The following JAM3 variants were observed in gnomAD, a reference collection of about 807,000 sequenced individuals.
JAM3 encodes junctional adhesion molecule C.
JAM3 carries 31 observed loss-of-function variants against 39.4 expected under a neutral mutation model. That is an observed-to-expected ratio of 0.79 (90% CI 0.59 to 1.06). JAM3 has a LOEUF of 1.06. Ranked by LOEUF, JAM3 falls within the 50% of genes least tolerant of loss-of-function variation. The pLI, the probability that JAM3 is intolerant of heterozygous loss-of-function variation, is 0.00. For missense variants in JAM3, 455 were observed against 391.4 expected, an observed-to-expected ratio of 1.16 and a Z score of -1.37; for synonymous variants, 182 against 148.7, an observed-to-expected ratio of 1.22 and a Z score of -1.63.
rs1008355593 is a variant in JAM3 at position 134,149,382 on chromosome 11, G to A, written c.*201G>A. 7.2e-5 allele frequency: 47 copies of A among 651,910 alleles called. No individual in the cohort carries two copies. Among genetic ancestry groups the A allele is most frequent in the Admixed American group, 2.1e-4 (9 of 41,882 alleles). 40.4% of individuals were successfully genotyped at this position (651,910 alleles called of 1,614,324 possible). A position where few individuals can be genotyped will look rare whatever the true frequency, so the allele number is the denominator to read the frequency against. ...GAAGAATTTTCCTCAAGATGGACCCGGTAAATATAACCACAAGGAAGCGAA... is the reference window on the plus strand; with the variant it reads ...GAAGAATTTTCCTCAAGATGGACCCAGTAAATATAACCACAAGGAAGCGAA... On this transcript the variant is annotated 3_prime_UTR_variant, in exon 9 of 9. Coordinates refer to ENST00000299106, the MANE Select transcript of JAM3 (RefSeq NM_032801.5).
chr11:134,147,980 G>C (rs1943109766), intron 6 of JAM3: 1 of 172,618 alleles, frequency 5.8e-6, no homozygotes, highest in African/African-American at 2.4e-5. Flanking sequence ...CCAGTGTATA[G>C]ACATGAGAAA....
intron 1 of JAM3, among the ~76,000 whole-genome samples, chr11:134,106,480 A>G (rs1163788987): frequency 2.0e-5 from 3 of 152,234 alleles, no homozygotes; most frequent in Non-Finnish European, 4.4e-5. Context: ...TGGCAACAAA[A>G]GCCAAATTTG....
At chr11:134,094,289 T>G (rs1447205603) in intron 1 of JAM3, among the ~76,000 whole-genome samples, 11 of 133,028 alleles carry the variant, frequency 8.3e-5, no homozygotes, top group East Asian at 2.4e-4. Context: ...TGAGGGAAGC[T>G]TCTCCTGAAC....
At chr11:134,104,748 A>C (rs1032607455) in intron 1 of JAM3, among the ~76,000 whole-genome samples, 16 of 152,192 alleles carry the variant, frequency 1.1e-4, no homozygotes, top group Admixed American at 7.9e-4. Context: ...TAAACTAGAA[A>C]ATCTAGAAGA....
At chr11:134,094,125 T>G (rs1489615785) in intron 1 of JAM3, among the ~76,000 whole-genome samples, 1 of 145,408 alleles carries the variant, frequency 6.9e-6, no homozygotes, top group Non-Finnish European at 1.5e-5. Flanking sequence ...TGAACCCTCC[T>G]TATTCATCAT....
At chr11:134,096,906 T>C (rs975200167) in intron 1 of JAM3, among the ~76,000 whole-genome samples, 1 of 152,216 alleles carries the variant, frequency 6.6e-6, no homozygotes, top group Non-Finnish European at 1.5e-5. Context: ...GTATCTTTAA[T>C]TTGGTTTATT....
chr11:134,125,116 C>T (rs544725417), intron 1 of JAM3, among the ~76,000 whole-genome samples: 3 of 152,192 alleles, frequency 2.0e-5, no homozygotes, highest in Non-Finnish European at 2.9e-5. Context: ...GCACGGCCGC[C>T]GCCACTGCTG....
chr11:134,115,028 C>G (rs913781659), intron 1 of JAM3, among the ~76,000 whole-genome samples: 6 of 152,194 alleles, frequency 3.9e-5, no homozygotes, highest in Non-Finnish European at 8.8e-5. Context: ...AGCTCTGTTA[C>G]TAGGTACATA....
intron 1 of JAM3, among the ~76,000 whole-genome samples, chr11:134,095,642 G>T (rs78705277): frequency 1.4e-5 from 2 of 147,600 alleles, no homozygotes. Flanking sequence ...AAAAAAAAAA[G>T]ATTTGTTCTA....
Position 134,072,314 on chromosome 11 carries a change from A to ATTTT in JAM3, c.76+3167_76+3170dup, listed in dbSNP as rs34630736. Among the ~76,000 whole-genome samples the ATTTT allele has an allele frequency of 9.1e-3, 1,311 of 144,710 alleles. 18 individuals carry two copies. Among genetic ancestry groups the ATTTT allele is most frequent in the African/African-American group, 0.028 (1,089 of 39,310 alleles). The allele number at this position is 144,710 out of a possible 152,430, so 94.9% of individuals were successfully genotyped here. A position where few individuals can be genotyped will look rare whatever the true frequency, so the allele number is the denominator to read the frequency against. Reference sequence around the variant, plus strand: ...AAGAATACCCTAGTGGTGAAGTTGGATTTTTTTTTTTTTTTGAGACTGAGT... The same window carrying ATTTT: ...AAGAATACCCTAGTGGTGAAGTTGGATTTTTTTTTTTTTTTTTTTGAGACTGAGT... On this transcript the variant is annotated intron_variant, in intron 1 of 8. Transcript: ENST00000299106.
intron 1 of JAM3, among the ~76,000 whole-genome samples, chr11:134,111,972 CTAA>C (rs1472741246): frequency 5.3e-5 from 8 of 152,162 alleles, no homozygotes; most frequent in African/African-American, 1.9e-4. Flanking sequence ...CATAATCACA[CTAA>C]TTACATTTTT....
chr11:134,147,528 C>T (rs1214425929), intron 6 of JAM3, among the ~76,000 whole-genome samples: 1 of 150,784 alleles, frequency 6.6e-6, no homozygotes, highest in East Asian at 2.0e-4. Context: ...GCTCTGTCAC[C>T]CAGGCTGGAG....
intron 1 of JAM3, among the ~76,000 whole-genome samples, chr11:134,089,173 A>G (rs1941798211): frequency 6.6e-6 from 1 of 152,142 alleles, no homozygotes; most frequent in Admixed American, 6.5e-5. Context: ...TGTGTCTCCC[A>G]TTCTTTCTTT....
At chr11:134,095,098 T>C (rs1196810524) in intron 1 of JAM3, among the ~76,000 whole-genome samples, 1 of 152,216 alleles carries the variant, frequency 6.6e-6, no homozygotes, top group African/African-American at 2.4e-5. Flanking sequence ...GTAATGAATC[T>C]TAGAAAACTG....
At chr11:134,109,306 G>A (rs1156920735) in intron 1 of JAM3, among the ~76,000 whole-genome samples, 1 of 152,108 alleles carries the variant, frequency 6.6e-6, no homozygotes, top group African/African-American at 2.4e-5. Context: ...GGTTCTAGCA[G>A]TGCAACCAGG....
intron 1 of JAM3, among the ~76,000 whole-genome samples, chr11:134,128,655 C>A (rs1565499086): frequency 1.3e-5 from 2 of 151,052 alleles, no homozygotes; most frequent in Non-Finnish European, 3.0e-5. Flanking sequence ...CTGTCTCTCT[C>A]CTCCTTTCCC....
At chr11:134,080,068 G>T (rs1941639438) in intron 1 of JAM3, among the ~76,000 whole-genome samples, 1 of 151,756 alleles carries the variant, frequency 6.6e-6, no homozygotes, top group Admixed American at 6.6e-5. Context: ...TGTTTACCAT[G>T]AAGAAAAAAT....
At chr11:134,131,233 TG>T (rs1215215699) in intron 1 of JAM3, among the ~76,000 whole-genome samples, 4 of 10,840 alleles carry the variant, frequency 3.7e-4, no homozygotes, top group African/African-American at 1.5e-3. Flanking sequence ...TGCTCTTTTT[TG>T]GGGGGGCGGG....
At chr11:134,085,835 A>C (rs370818994) in intron 1 of JAM3, among the ~76,000 whole-genome samples, 9 of 152,132 alleles carry the variant, frequency 5.9e-5, no homozygotes, top group Non-Finnish European at 7.4e-5. Flanking sequence ...GTGAGTTTCT[A>C]TTCTTTAGTT....
Sources: gnomAD v4.1 joint callset for allele counts (sites outside exome capture counted in the v4.1 genomes callset) on GRCh38, gnomAD v4.1.1 for gene constraint, MANE v1.5 for transcripts, NCBI Gene and HGNC (gene_info 2026-07-23, HGNC 2026-07-21) for gene names.